LIMD1: variants seen among roughly 807,000 people sequenced by gnomAD.
The protein encoded by LIMD1 is LIM domain containing 1.
In LIMD1, 23 loss-of-function variants were observed where a neutral mutation model predicts 58.4. That is an observed-to-expected ratio of 0.39 (90% CI 0.28 to 0.56). LIMD1 has a LOEUF of 0.56. Ranked by LOEUF, LIMD1 falls within the 20% of genes least tolerant of loss-of-function variation. The pLI is 0.57. For synonymous variants in LIMD1, 334 were observed against 345.5 expected (o/e 0.97, Z 0.37); for missense variants, 838 against 855.5 (o/e 0.98, Z 0.25).
chr3:45,682,722 A>G lies in LIMD1; in HGVS notation c.*5663A>G, dbSNP rs920213537. ...AGGGTGCTGTCTTGACCACTCTACT[A>G]CTCTGGTTGATGGGAGGCAGTAAAT... On this transcript the variant is annotated 3_prime_UTR_variant, in exon 8 of 8. Coordinates refer to ENST00000273317, the MANE Select transcript of LIMD1 (RefSeq NM_014240.3). 5 of 152,010 alleles carry G rather than the reference A, an allele frequency of 3.3e-5. No homozygotes were observed. The highest frequency in any genetic ancestry group is 1.2e-4 in the African/African-American group (5 of 41,378). The allele number at this position is 152,010 out of a possible 1,614,324, so 9.4% of individuals were successfully genotyped here.
At chr3:45,639,681 A>C (rs1397013026) in intron 2 of LIMD1, among the ~76,000 whole-genome samples, 1 of 151,762 alleles carries the variant, frequency 6.6e-6, no homozygotes, top group African/African-American at 2.4e-5. Flanking sequence ...TCTTTTTTTG[A>C]GATGGAGTTT....
chr3:45,619,525 A>G (rs1437881056), intron 1 of LIMD1, among the ~76,000 whole-genome samples: 1 of 152,192 alleles, frequency 6.6e-6, no homozygotes, highest in East Asian at 1.9e-4. Context: ...AAGGCTGGGC[A>G]TGGTGGATCA....
chr3:45,645,183 G>A (rs1024566047), intron 2 of LIMD1, among the ~76,000 whole-genome samples: 43 of 152,096 alleles, frequency 2.8e-4, no homozygotes, highest in African/African-American at 9.9e-4. Context: ...AGAGTGGAGG[G>A]GCCACTTACT....
At chr3:45,608,627 G>A (rs1033416020) in intron 1 of LIMD1, among the ~76,000 whole-genome samples, 7 of 152,102 alleles carry the variant, frequency 4.6e-5, no homozygotes, top group African/African-American at 1.4e-4. Flanking sequence ...ATCACTTGAG[G>A]TCAAGAGTTT....
chr3:45,617,011 G>T (rs1396600504), intron 1 of LIMD1, among the ~76,000 whole-genome samples: 21 of 147,372 alleles, frequency 1.4e-4, no homozygotes, highest in African/African-American at 5.0e-4. Flanking sequence ...GGGATTACAG[G>T]TGTGAGCCAC....
rs114891990 is a variant in LIMD1, at chr3:45,599,929, G to A, written c.1408+3642G>A. Among the ~76,000 whole-genome samples, 187 of 150,018 alleles carry A rather than the reference G, an allele frequency of 1.2e-3. 1 individual carries two copies. Among genetic ancestry groups the A allele is most frequent in the African/African-American group, 4.6e-3 (184 of 39,676 alleles). On this transcript the variant is annotated intron_variant, in intron 1 of 7. Transcript: ENST00000273317. ...CTTGGGGCAGAGGAGGAAGTCTTTC[G>A]GTCTGAAGATTGGCAGTCATTGCCT...
chr3:45,623,216 C>G (rs537255560), intron 1 of LIMD1, among the ~76,000 whole-genome samples: 1 of 152,270 alleles, frequency 6.6e-6, no homozygotes, highest in South Asian at 2.1e-4. Flanking sequence ...GTTGAGAAAG[C>G]TCATCAGCCT....
intron 7 of LIMD1, among the ~76,000 whole-genome samples, chr3:45,676,361 A>G (rs558398998): frequency 1.3e-5 from 2 of 149,004 alleles, no homozygotes; most frequent in East Asian, 1.9e-4. Context: ...AAAAAAAGGG[A>G]TACGTGTGAA....
intron 1 of LIMD1, among the ~76,000 whole-genome samples, chr3:45,626,893 CAA>C (rs34165649): frequency 6.6e-4 from 89 of 133,846 alleles, no homozygotes; most frequent in East Asian, 6.3e-3. Context: ...TAAAACTGCT[CAA>C]AAAAAAAAAA....
chr3:45,654,112 T>C (rs1702002402), intron 2 of LIMD1, among the ~76,000 whole-genome samples: 1 of 152,184 alleles, frequency 6.6e-6, no homozygotes, highest in Non-Finnish European at 1.5e-5. Flanking sequence ...TGATTTAAAC[T>C]TACATAAATA....
At chr3:45,669,303 T>G (rs1327876455) in intron 4 of LIMD1, among the ~76,000 whole-genome samples, 1 of 152,202 alleles carries the variant, frequency 6.6e-6, no homozygotes, top group African/African-American at 2.4e-5. Context: ...AATATACTGA[T>G]CAGAGGAAAT....
chr3:45,608,128 G>A (rs778168649), intron 1 of LIMD1, among the ~76,000 whole-genome samples: 1 of 152,252 alleles, frequency 6.6e-6, no homozygotes, highest in Non-Finnish European at 1.5e-5. Flanking sequence ...TGGGCAGCAA[G>A]GATTGCATTG....
chr3:45,621,065 A>G (rs1701624783), intron 1 of LIMD1, among the ~76,000 whole-genome samples: 1 of 152,202 alleles, frequency 6.6e-6, no homozygotes, highest in Non-Finnish European at 1.5e-5. Flanking sequence ...ACAGCATGCA[A>G]GATAATTGGC....
At chr3:45,617,332 C>T (rs1559515919) in intron 1 of LIMD1, among the ~76,000 whole-genome samples, 1 of 152,204 alleles carries the variant, frequency 6.6e-6, no homozygotes, top group East Asian at 1.9e-4. Context: ...CAGGTGTGAG[C>T]CACTGCACCA....
chr3:45,601,677 TTC>T (rs1701414284), intron 1 of LIMD1, among the ~76,000 whole-genome samples: 1 of 152,206 alleles, frequency 6.6e-6, no homozygotes, highest in Non-Finnish European at 1.5e-5. Flanking sequence ...GTAGGCACCA[TTC>T]TCTGTTTACA....
intron 2 of LIMD1, 80 bp downstream of exon 2, chr3:45,636,331 CT>C: frequency 9.3e-7 from 1 of 1,078,438 alleles, no homozygotes; most frequent in Non-Finnish European, 1.3e-6. Flanking sequence ...GAGAGATCAT[CT>C]TTCTGGAGAC....
chr3:45,602,249 G>A (rs952764807), intron 1 of LIMD1, among the ~76,000 whole-genome samples: 7 of 151,992 alleles, frequency 4.6e-5, no homozygotes, highest in Non-Finnish European at 1.0e-4. Flanking sequence ...CGCCCGGCCT[G>A]GGCTGTGGAC....
intron 1 of LIMD1, among the ~76,000 whole-genome samples, chr3:45,601,945 T>C (rs1488288726): frequency 1.4e-5 from 2 of 143,650 alleles, no homozygotes; most frequent in East Asian, 2.0e-4. Flanking sequence ...GCTGTGGACT[T>C]TTTTTTTTTT....
intron 1 of LIMD1, among the ~76,000 whole-genome samples, chr3:45,611,572 CAG>C (rs1339465564): frequency 6.6e-6 from 1 of 152,218 alleles, no homozygotes; most frequent in African/African-American, 2.4e-5. Context: ...TTTGGCTCAT[CAG>C]GGGCCACAGG....
Sources: gnomAD v4.1 joint callset for allele counts (sites outside exome capture counted in the v4.1 genomes callset) on GRCh38, gnomAD v4.1.1 for gene constraint, MANE v1.5 for transcripts, NCBI Gene and HGNC (gene_info 2026-07-23, HGNC 2026-07-21) for gene names.